The following SRCIN1 variants were observed in gnomAD, a reference collection of about 807,000 sequenced individuals.
SRCIN1 encodes the protein P130Cas-associated protein.
In SRCIN1, 50 loss-of-function variants were observed where a neutral mutation model predicts 116.2. The ratio of observed to expected loss-of-function variants is 0.43; its 90% CI spans 0.34 to 0.54. SRCIN1 has a LOEUF of 0.54. Among genes scored for constraint, SRCIN1 ranks in the 20% least tolerant of loss-of-function variants. The pLI is 0.02. For missense variants in SRCIN1, 1,446 were observed against 1,672.0 expected, an observed-to-expected ratio of 0.86 and a Z score of 2.36; for synonymous variants, 736 against 750.0, an observed-to-expected ratio of 0.98 and a Z score of 0.30.
At chr17:38,575,160 T>A (rs1434546034) in intron 2 of SRCIN1, among the ~76,000 whole-genome samples, 2 of 152,238 alleles carry the variant, frequency 1.3e-5, no homozygotes, top group Non-Finnish European at 2.9e-5. Flanking sequence ...AGCCCTGCTC[T>A]GTTTCTGGAT....
At chr17:38,575,364 C>T (rs912689652) in intron 2 of SRCIN1, among the ~76,000 whole-genome samples, 1 of 152,110 alleles carries the variant, frequency 6.6e-6, no homozygotes, top group Admixed American at 6.5e-5. Flanking sequence ...ATCCACCCAC[C>T]TCAGCCTCCT....
At position 38,561,975 on chromosome 17, in the gene SRCIN1, A is replaced by G. The variant is rs976183772; in HGVS notation, c.1188T>C (p.Tyr396=). ...CGTGCAGCAGCCCGTAGGGGTCAGC[A>G]TAGAGGCCCTCGCCTTTCACCAGCA... ...GMVLVKGEGL[Y]ADPYGLLHEG... Residue 396 remains tyrosine, a synonymous_variant, in exon 7 of 19, where the codon TAT becomes TAC. Coordinates refer to ENST00000617146, the MANE Select transcript of SRCIN1 (RefSeq NM_025248.3). 67 of 1,491,668 alleles carry G rather than the reference A, an allele frequency of 4.5e-5. No homozygotes were observed. The Admixed American group carries it at 6.5e-4, about 15-fold the overall frequency. The allele number at this position is 1,491,668 out of a possible 1,614,324, so 92.4% of individuals were successfully genotyped here.
chr17:38,559,802 T>C (rs1906105230), intron 9 of SRCIN1, 30 bp from the exon 10 acceptor site: 1 of 1,472,310 alleles, frequency 6.8e-7, no homozygotes, highest in Non-Finnish European at 9.0e-7. Flanking sequence ...TGGGAGAAAG[T>C]GAACAAACTG....
Position 38,551,329 on chromosome 17 carries a change from T to C in SRCIN1, c.2788A>G (p.Ile930Val). Residue 930 changes from isoleucine to valine, a missense_variant, in exon 15 of 19, where the codon ATC becomes GTC. Transcript: ENST00000617146. ...AALTQYSAKDINRLLEETQAE... is the reference protein window; with the variant it reads ...AALTQYSAKDVNRLLEETQAE... The stretch of plus-strand genomic sequence containing the variant: ...TGTGTCTCTTCCAGCAGCCGGTTGA[T>C]GTCCTTGGCACTGTACTGGGTCAGG... 6.2e-7 allele frequency: 1 copy of C among 1,613,864 alleles called. No individual in the cohort carries two copies. Among genetic ancestry groups the C allele is most frequent in the Non-Finnish European group, 8.5e-7 (1 of 1,179,852 alleles).
Position 38,578,536 on chromosome 17 carries a change from T to A in SRCIN1, c.278A>T (p.Gln93Leu), listed in dbSNP as rs1177016406. 6.3e-7 allele frequency: 1 copy of A among 1,599,412 alleles called. No individual in the cohort carries two copies. The highest frequency in any genetic ancestry group is 8.6e-7 in the Non-Finnish European group (1 of 1,168,286). The stretch of plus-strand genomic sequence containing the variant: ...CTGGCCTCGCAGGGCCAGGGCGTGC[T>A]GTGGGTACTTGCTCTTCAGGTGGTC... ...FMDHLKSKYP[Q>L]HALALRGQQD... Residue 93 changes from glutamine to leucine, a missense_variant, in exon 2 of 19, where the codon CAG (glutamine) becomes CTG (leucine). By Grantham distance (113) the Gln-to-Leu change is moderately radical. This residue lies in a region of SRCIN1 where 246 missense variants were observed against 265.1 expected (regional missense o/e 0.93). Coordinates refer to ENST00000617146, the MANE Select transcript of SRCIN1 (RefSeq NM_025248.3).
chr17:38,579,792 C>A (rs1907678954), intron 1 of SRCIN1, among the ~76,000 whole-genome samples: 1 of 152,244 alleles, frequency 6.6e-6, no homozygotes, highest in African/African-American at 2.4e-5. Context: ...TGCTGGCCCG[C>A]ACTCTCCAGC....
In SRCIN1 at chr17:38,564,215, C is replaced by T. The variant is rs772920748; in HGVS notation, c.444G>A (p.Ser148=). ...TGAAGCCCAGGGGCAGCTCGGCCTC[C>T]GACATGGTCTCCAGCGACTCGGCGG... ...YASAESLETM[S]EAELPLGFSR... is the part of the protein sequence containing the mutation. The change falls in exon 4 of 19, where the codon TCG becomes TCA. Residue 148 remains serine, a synonymous_variant. Transcript: ENST00000617146. 3 of 1,584,320 alleles carry T rather than the reference C, an allele frequency of 1.9e-6. No individual in the cohort carries two copies. The highest frequency in any genetic ancestry group is 1.8e-5 in the Admixed American group (1 of 55,666).
rs1904913111 is a variant in SRCIN1, at chr17:38,543,926, C to A, written c.3314G>T (p.Gly1105Val). The A allele has an allele frequency of 6.3e-7, 1 of 1,599,568 alleles. No individual in the cohort carries two copies. ...CTGGGCCGCCTTCAGCCGAGAGGCC[C>A]CCGGAGTCACCACCTTCATGGGTGG... ...SVPPMKVVTP[G>V]ASRLKAAQGQ... is the part of the protein sequence containing the mutation. The change falls in exon 18 of 19, where the codon GGG (glycine) becomes GTG (valine). Residue 1105 changes from glycine (G) to valine (V), a missense_variant. By Grantham distance (109) the Gly-to-Val change is moderately radical (BLOSUM62 -3). Around this residue, in one of 5 missense-constraint regions of SRCIN1, gnomAD observed 531 missense variants for 633.9 expected, o/e 0.84. Coordinates refer to ENST00000617146, the MANE Select transcript of SRCIN1 (RefSeq NM_025248.3).
At chr17:38,578,468 C>T in intron 2 of SRCIN1, 22 bp downstream of exon 2, 1 of 1,553,146 alleles carries the variant, frequency 6.4e-7, no homozygotes, top group Non-Finnish European at 8.7e-7. Flanking sequence ...GCAGCCGCAG[C>T]CGCAGCCGGG....
At chr17:38,550,878 C>T (rs868078210) in intron 15 of SRCIN1, among the ~76,000 whole-genome samples, 5 of 152,348 alleles carry the variant, frequency 3.3e-5, no homozygotes, top group Admixed American at 6.5e-5. Context: ...CCAGCCAAGC[C>T]GTGGAGGCGG....
In SRCIN1 at chr17:38,568,389, C is replaced by CCA. The variant is rs1358226467; in HGVS notation, c.325-160_325-159dup. ...AGGAATGAAGTCATGCCTGGTACAT[C>CCA]CATTCTCTACTGAGACCTGGAACAC... On this transcript the variant is annotated intron_variant, in intron 2 of 18. Transcript: ENST00000617146. This position sits in a 1 kb window ranked among gnomAD's most constrained non-coding sequence, Gnocchi z 4.5. Among the ~76,000 whole-genome samples, 4 of 152,188 alleles carry CCA rather than the reference C, an allele frequency of 2.6e-5. No homozygotes were observed. Among genetic ancestry groups the CCA allele is most frequent in the Non-Finnish European group, 5.9e-5 (4 of 68,030 alleles).
Position 38,562,146 on chromosome 17 carries a change from C to A in SRCIN1, c.1017G>T (p.Ser339=), listed in dbSNP as rs1278656618. 42 of 1,366,388 alleles carry A rather than the reference C, an allele frequency of 3.1e-5. No homozygotes were observed. Among genetic ancestry groups the A allele is most frequent in the Non-Finnish European group, 3.6e-5 (38 of 1,067,790 alleles). 84.6% of individuals were successfully genotyped at this position (1,366,388 alleles called of 1,614,324 possible). A position where few individuals can be genotyped will look rare whatever the true frequency, so the allele number is the denominator to read the frequency against. ...RLSYAGGRPP[S]YAGSPVHHAA... is the part of the protein sequence containing the mutation. ...CGTGGTGCACCGGGCTGCCGGCGTA[C>A]GAAGGCGGGCGCCCCCCGGCGTACG... Residue 339 remains serine, a synonymous_variant, in exon 7 of 19, where the codon TCG becomes TCT. Coordinates refer to ENST00000617146, the MANE Select transcript of SRCIN1 (RefSeq NM_025248.3). The surrounding 1 kb of genome is among the most constrained non-coding windows in gnomAD (Gnocchi z 4.2).
chr17:38,539,773 C>A (rs1328947320), intron 18 of SRCIN1, among the ~76,000 whole-genome samples: 1 of 152,056 alleles, frequency 6.6e-6, no homozygotes, highest in Non-Finnish European at 1.5e-5. Flanking sequence ...TGGCTCCCAG[C>A]ACTTTGGGAG....
At chr17:38,595,761 C>T (rs1002998843) in intron 1 of SRCIN1, among the ~76,000 whole-genome samples, 1 of 152,232 alleles carries the variant, frequency 6.6e-6, no homozygotes, top group Non-Finnish European at 1.5e-5. Flanking sequence ...CTTCTCTTCA[C>T]CCCAGCCCTA....
chr17:38,543,768 G>A, intron 18 of SRCIN1, 55 bp downstream of exon 18: 1 of 1,576,862 alleles, frequency 6.3e-7, no homozygotes, highest in Admixed American at 1.7e-5. Context: ...AGTGGGGCAG[G>A]GGCCCGGCAT....
chr17:38,545,925 G>A (rs1334578135), intron 17 of SRCIN1, among the ~76,000 whole-genome samples: 2 of 152,238 alleles, frequency 1.3e-5, no homozygotes, highest in African/African-American at 4.8e-5. Context: ...GAGACAACAT[G>A]TCAGCCTCTG....
intron 2 of SRCIN1, among the ~76,000 whole-genome samples, chr17:38,575,781 C>G (rs562871065): frequency 6.6e-6 from 1 of 152,312 alleles, no homozygotes; most frequent in Non-Finnish European, 1.5e-5. Context: ...CAAGGCCACC[C>G]CACACCTAAG....
rs1407498217 is a variant in SRCIN1, at chr17:38,605,888, A to C, written c.-183T>G. ...GCGCCGGCGGCCGGGCGTGTGGGTG[A>C]GCGCGCGCGCGGGCGTGTCACCGAG... On this transcript the variant is annotated 5_prime_UTR_variant, in exon 1 of 19. Coordinates refer to ENST00000617146, the MANE Select transcript of SRCIN1 (RefSeq NM_025248.3). 1 of 141,644 alleles carries C rather than the reference A, an allele frequency of 7.1e-6. No homozygotes were observed. The highest frequency in any genetic ancestry group is 2.1e-4 in the East Asian group (1 of 4,706). 8.8% of individuals were successfully genotyped at this position (141,644 alleles called of 1,614,324 possible).
At chr17:38,535,704 A>G (rs2040990866) in intron 18 of SRCIN1, among the ~76,000 whole-genome samples, 1 of 151,936 alleles carries the variant, frequency 6.6e-6, no homozygotes. Context: ...CTCTCTGACC[A>G]CTGTGTCACT....
Sources: gnomAD v4.1 joint callset for allele counts (sites outside exome capture counted in the v4.1 genomes callset) on GRCh38, gnomAD v4.1.1 for gene constraint, gnomAD v4.1.1 regional missense constraint, Gnocchi (gnomAD v3.1) non-coding constraint, MANE v1.5 for transcripts, NCBI Gene and HGNC (gene_info 2026-07-23, HGNC 2026-07-21) for gene names.